The following SNTG1 variants were observed in gnomAD, a reference collection of about 807,000 sequenced individuals.
The protein encoded by SNTG1 is gamma-1-syntrophin.
Under a neutral mutation model 74.7 loss-of-function variants are expected in SNTG1, and 39 were observed. The ratio of observed to expected loss-of-function variants is 0.52; its 90% CI spans 0.40 to 0.68. SNTG1 has a LOEUF of 0.68. Ranked by LOEUF, SNTG1 falls within the 30% of genes least tolerant of loss-of-function variation. The pLI, the probability that SNTG1 is intolerant of heterozygous loss-of-function variation, is 0.00. For missense variants in SNTG1, 685 were observed against 609.5 expected (o/e 1.12, Z -1.30); for synonymous variants, 254 against 217.1 (o/e 1.17, Z -1.49).
intron 8 of SNTG1, among the ~76,000 whole-genome samples, chr8:50,451,321 A>T (rs942541971): frequency 4.6e-5 from 7 of 152,228 alleles, no homozygotes; most frequent in Admixed American, 3.9e-4. Context: ...AAATACTACA[A>T]CTTGTTATAT....
chr8:49,972,262 A>G (rs1811758435), intron 1 of SNTG1, among the ~76,000 whole-genome samples: 2 of 152,152 alleles, frequency 1.3e-5, no homozygotes, highest in African/African-American at 4.8e-5. Context: ...ACAAGAAATG[A>G]GGAAAGGATT....
intron 2 of SNTG1, among the ~76,000 whole-genome samples, chr8:50,364,020 G>A (rs2092038015): frequency 6.6e-6 from 1 of 152,138 alleles, no homozygotes; most frequent in Non-Finnish European, 1.5e-5. Context: ...AATCCCTGAG[G>A]CCCTCCCTAT....
intron 1 of SNTG1, among the ~76,000 whole-genome samples, chr8:50,088,480 C>T (rs372023070): frequency 2.3e-4 from 29 of 128,234 alleles, no homozygotes; most frequent in South Asian, 5.5e-4. Flanking sequence ...TGTTTGCAGA[C>T]GACATGATTG....
chr8:49,983,021 C>G (rs1289567712), intron 1 of SNTG1, among the ~76,000 whole-genome samples: 1 of 152,136 alleles, frequency 6.6e-6, no homozygotes, highest in East Asian at 1.9e-4. Context: ...TAAAGTTATA[C>G]CAATGAACCT....
chr8:50,182,622 G>T (rs1028387995), intron 2 of SNTG1, among the ~76,000 whole-genome samples: 3 of 151,982 alleles, frequency 2.0e-5, no homozygotes, highest in African/African-American at 7.3e-5. Context: ...GATTTGGCAC[G>T]TGCGTGTCTG....
chr8:50,337,511 A>T (rs2091180983), intron 2 of SNTG1, among the ~76,000 whole-genome samples: 1 of 152,216 alleles, frequency 6.6e-6, no homozygotes, highest in Non-Finnish European at 1.5e-5. Context: ...AACCATGTTT[A>T]AATATACCCA....
At chr8:50,658,880 A>G (rs1431267151) in intron 15 of SNTG1, among the ~76,000 whole-genome samples, 1 of 152,216 alleles carries the variant, frequency 6.6e-6, no homozygotes, top group Non-Finnish European at 1.5e-5. Flanking sequence ...AATAACTTGC[A>G]AGCAGACTCT....
At chr8:50,458,413 T>C (rs1054062409) in intron 8 of SNTG1, among the ~76,000 whole-genome samples, 1 of 151,926 alleles carries the variant, frequency 6.6e-6, no homozygotes, top group African/African-American at 2.4e-5. Flanking sequence ...TTGGGAAACA[T>C]CTCAAAATGG....
intron 15 of SNTG1, among the ~76,000 whole-genome samples, chr8:50,699,184 A>G (rs191554125): frequency 9.5e-4 from 141 of 148,308 alleles, no homozygotes; most frequent in African/African-American, 3.4e-3. Flanking sequence ...TTCAATATTT[A>G]ACAGGGAAAA....
intron 1 of SNTG1, among the ~76,000 whole-genome samples, chr8:49,988,855 A>T (rs1240814002): frequency 6.6e-6 from 1 of 152,024 alleles, no homozygotes; most frequent in African/African-American, 2.4e-5. Flanking sequence ...TCATTAAAAA[A>T]TGAAAAAGCA....
intron 1 of SNTG1, among the ~76,000 whole-genome samples, chr8:50,088,641 A>C (rs1483228058): frequency 8.0e-6 from 1 of 125,628 alleles, no homozygotes; most frequent in Non-Finnish European, 1.8e-5. Context: ...ATCATGAGTG[A>C]ACTCCCATTC....
At chr8:50,362,288 G>A (rs893312749) in intron 2 of SNTG1, among the ~76,000 whole-genome samples, 1 of 152,014 alleles carries the variant, frequency 6.6e-6, no homozygotes, top group African/African-American at 2.4e-5. Flanking sequence ...CTTCCAGTGC[G>A]GTACCAAAGA....
Position 50,066,693 on chromosome 8 carries a change from A to T in SNTG1, c.-102-105868A>T, listed in dbSNP as rs574428953. On this transcript the variant is annotated intron_variant, in intron 1 of 18. Coordinates refer to ENST00000642720, the MANE Select transcript of SNTG1 (RefSeq NM_018967.5). ...GTTGTAAATCTGCAGTGAAGAATAA[A>T]TAGAAACTATTTTCACTTCAGTGTT... is the stretch of plus-strand genomic sequence containing the variant. Among the ~76,000 whole-genome samples, 6 of 152,350 alleles carry T rather than the reference A, an allele frequency of 3.9e-5. No individual in the cohort carries two copies. The South Asian group carries it at 1.2e-3, about 32-fold the overall frequency.
At chr8:50,377,005 G>A (rs1310382212) in intron 2 of SNTG1, among the ~76,000 whole-genome samples, 1 of 152,016 alleles carries the variant, frequency 6.6e-6, no homozygotes, top group Admixed American at 6.6e-5. Flanking sequence ...CCCAGACTCC[G>A]GCTCCTGCCT....
intron 13 of SNTG1, among the ~76,000 whole-genome samples, chr8:50,625,783 T>A (rs1018263884): frequency 6.6e-6 from 1 of 152,226 alleles, no homozygotes; most frequent in Non-Finnish European, 1.5e-5. Context: ...TTTGATAGAA[T>A]ATTTTCTGTT....
chr8:50,591,040 G>T, intron 13 of SNTG1, 123 bp downstream of exon 13: 1 of 565,378 alleles, frequency 1.8e-6, no homozygotes, highest in African/African-American at 2.0e-5. Flanking sequence ...TATCTTCAGT[G>T]AGAAACATAC....
intron 2 of SNTG1, among the ~76,000 whole-genome samples, chr8:50,334,992 A>G (rs2091093828): frequency 6.6e-6 from 1 of 152,204 alleles, no homozygotes. Context: ...TCACTGTAAT[A>G]TTCCTGTGTG....
chr8:50,734,989 G>T (rs999132319), intron 17 of SNTG1, among the ~76,000 whole-genome samples: 1 of 142,968 alleles, frequency 7.0e-6, no homozygotes, highest in African/African-American at 2.6e-5. Flanking sequence ...CCATATATAT[G>T]TCCATATATA....
intron 17 of SNTG1, among the ~76,000 whole-genome samples, chr8:50,736,523 G>C (rs1202073009): frequency 2.0e-5 from 3 of 151,898 alleles, no homozygotes; most frequent in Non-Finnish European, 2.9e-5. Context: ...ATCAACAAGA[G>C]AGAAAATTAA....
Sources: allele counts gnomAD v4.1 joint callset (sites outside exome capture counted in the v4.1 genomes callset), GRCh38; gene constraint gnomAD v4.1.1; transcripts MANE v1.5; gene names NCBI Gene and HGNC (gene_info 2026-07-23, HGNC 2026-07-21).